NXPH1: variants seen among roughly 807,000 people sequenced by gnomAD.
NXPH1 encodes the protein neurexophilin 1.
NXPH1 carries 5 observed loss-of-function variants against 23.7 expected under a neutral mutation model. That is an observed-to-expected ratio of 0.21 (90% CI 0.11 to 0.44). The LOEUF (loss-of-function observed/expected upper bound fraction) is 0.44. Ranked by LOEUF, NXPH1 falls within the 20% of genes least tolerant of loss-of-function variation. NXPH1 has a pLI of 0.99. For synonymous variants in NXPH1, 144 were observed against 122.2 expected (o/e 1.18, Z -1.18); for missense variants, 324 against 321.6 (o/e 1.01, Z -0.06).
intron 2 of NXPH1, among the ~76,000 whole-genome samples, chr7:8,688,344 T>A (rs541082786): frequency 3.2e-4 from 49 of 152,326 alleles, no homozygotes; most frequent in African/African-American, 1.1e-3. Context: ...TTGTAGTTAA[T>A]TCAACATTGT....
intron 2 of NXPH1, among the ~76,000 whole-genome samples, chr7:8,659,396 C>A (rs554308660): frequency 6.6e-6 from 1 of 152,242 alleles, no homozygotes; most frequent in Admixed American, 6.5e-5. Context: ...CAAACATCCT[C>A]CTTTAGCTCA....
intron 2 of NXPH1, among the ~76,000 whole-genome samples, chr7:8,436,858 G>A (rs1336665036): frequency 1.3e-5 from 2 of 152,200 alleles, no homozygotes; most frequent in African/African-American, 4.8e-5. Context: ...GAACCCATAA[G>A]CCTGAAAGAA....
rs368442608 is a variant in NXPH1, at chr7:8,751,498, C to T, written c.545C>T (p.Thr182Ile). ...KIVEFDLAQQ[T>I]VIDAKDSKSF... The stretch of plus-strand genomic sequence containing the variant: ...GTGGAATTTGACTTGGCACAACAAA[C>T]CGTGATTGATGCCAAAGATTCCAAG... The change falls in exon 3 of 3, where the codon ACC becomes ATC. Residue 182 changes from threonine to isoleucine, a missense_variant. Physicochemically the swap from Thr to Ile is moderately conservative, Grantham distance 89. Transcript: ENST00000405863. This position sits in a 1 kb window ranked among gnomAD's most constrained non-coding sequence, Gnocchi z 4.5. 6.2e-7 allele frequency: 1 copy of T among 1,613,570 alleles called. No individual in the cohort carries two copies. The highest frequency in any genetic ancestry group is 1.3e-5 in the African/African-American group (1 of 74,900).
intron 2 of NXPH1, among the ~76,000 whole-genome samples, chr7:8,702,393 T>C (rs1016834161): frequency 2.0e-5 from 3 of 152,078 alleles, no homozygotes; most frequent in African/African-American, 7.2e-5. Context: ...TCAAACCCGA[T>C]ATTTATTTGA....
chr7:8,743,982 C>T (rs1562472545), intron 2 of NXPH1, among the ~76,000 whole-genome samples: 1 of 152,284 alleles, frequency 6.6e-6, no homozygotes, highest in East Asian at 1.9e-4. Context: ...CCGCGCCCTG[C>T]CAAAGCATGG....
At chr7:8,698,323 G>A (rs1779567125) in intron 2 of NXPH1, among the ~76,000 whole-genome samples, 1 of 152,024 alleles carries the variant, frequency 6.6e-6, no homozygotes, top group Non-Finnish European at 1.5e-5. Flanking sequence ...AAGTTTTTCA[G>A]GAATACAATT....
chr7:8,474,565 T>G (rs557019252), intron 2 of NXPH1, among the ~76,000 whole-genome samples: 24 of 152,248 alleles, frequency 1.6e-4, no homozygotes, highest in Admixed American at 3.3e-4. Context: ...TTAAACACAT[T>G]TACAAAAAAC....
intron 2 of NXPH1, among the ~76,000 whole-genome samples, chr7:8,499,222 C>G (rs773870400): frequency 4.0e-4 from 61 of 152,112 alleles, no homozygotes; most frequent in Non-Finnish European, 7.1e-4. Flanking sequence ...CTTCTATCAC[C>G]ACTACAAAAA....
intron 2 of NXPH1, among the ~76,000 whole-genome samples, chr7:8,673,096 T>C (rs2349772): frequency 0.73 from 111,033 of 152,072 alleles, 40,977 homozygotes; most frequent in East Asian, 1. Flanking sequence ...AATGAATTCT[T>C]AATAATTATT....
intron 2 of NXPH1, among the ~76,000 whole-genome samples, chr7:8,528,040 A>T (rs1300189352): frequency 6.6e-6 from 1 of 152,226 alleles, no homozygotes; most frequent in Admixed American, 6.5e-5. Context: ...TAAAACTCAT[A>T]CGGGTGGTTC....
intron 2 of NXPH1, among the ~76,000 whole-genome samples, chr7:8,496,817 G>T (rs1817345105): frequency 6.6e-6 from 1 of 152,014 alleles, no homozygotes; most frequent in Admixed American, 6.6e-5. Flanking sequence ...TCTATTTAAT[G>T]ACCCATGCTT....
In NXPH1 at chr7:8,566,176, C is replaced by T. The variant is rs1562404692; in HGVS notation, c.54+130409C>T. On this transcript the variant is annotated intron_variant, in intron 2 of 2. Coordinates refer to ENST00000405863, the MANE Select transcript of NXPH1 (RefSeq NM_152745.3). ...GGCTCGAGCAAAGGAGCTTCAGTCT[C>T]TCTAGTTCTTTGGCACCATCGATTC... Among the ~76,000 whole-genome samples the T allele has an allele frequency of 4.0e-5, 6 of 151,792 alleles. No individual in the cohort carries two copies. The South Asian group carries it at 1.2e-3, about 31-fold the overall frequency.
At chr7:8,450,205 A>G (rs1816482021) in intron 2 of NXPH1, among the ~76,000 whole-genome samples, 1 of 152,194 alleles carries the variant, frequency 6.6e-6, no homozygotes, top group Non-Finnish European at 1.5e-5. Context: ...AGCAGAGTTC[A>G]CTTCTAAGGG....
intron 2 of NXPH1, among the ~76,000 whole-genome samples, chr7:8,557,625 A>G (rs1676700834): frequency 6.6e-6 from 1 of 151,696 alleles, no homozygotes; most frequent in Non-Finnish European, 1.5e-5. Flanking sequence ...ATGGGGTTTT[A>G]CCCATTGTTA....
chr7:8,592,674 G>C (rs568286170), intron 2 of NXPH1, among the ~76,000 whole-genome samples: 2 of 151,938 alleles, frequency 1.3e-5, no homozygotes, highest in Non-Finnish European at 2.9e-5. Context: ...AGAGCTCATC[G>C]TCTCTGTTGC....
intron 2 of NXPH1, among the ~76,000 whole-genome samples, chr7:8,693,517 G>T (rs1821254800): frequency 6.6e-6 from 1 of 152,178 alleles, no homozygotes; most frequent in African/African-American, 2.4e-5. Flanking sequence ...TTTGGCAAAA[G>T]ACTTAATCTT....
chr7:8,584,711 C>G (rs538124571), intron 2 of NXPH1, among the ~76,000 whole-genome samples: 21 of 152,120 alleles, frequency 1.4e-4, no homozygotes, highest in Admixed American at 1.2e-3. Context: ...TCTGGGGGAT[C>G]GGAATGGAGA....
chr7:8,467,062 C>T (rs1396771295), intron 2 of NXPH1, among the ~76,000 whole-genome samples: 1 of 152,128 alleles, frequency 6.6e-6, no homozygotes, highest in Non-Finnish European at 1.5e-5. Flanking sequence ...TATACAGCAG[C>T]TAGCACACTG....
intron 2 of NXPH1, among the ~76,000 whole-genome samples, chr7:8,437,451 T>A (rs1439637208): frequency 1.3e-5 from 2 of 152,158 alleles, no homozygotes; most frequent in Non-Finnish European, 2.9e-5. Flanking sequence ...CCGCTTGCCC[T>A]TTTCCTCTGC....
Sources: gnomAD v4.1 joint callset for allele counts (sites outside exome capture counted in the v4.1 genomes callset) on GRCh38, gnomAD v4.1.1 for gene constraint, Gnocchi (gnomAD v3.1) non-coding constraint, MANE v1.5 for transcripts, NCBI Gene and HGNC (gene_info 2026-07-23, HGNC 2026-07-21) for gene names.